The following MORC1 variants were observed in gnomAD, a reference collection of about 807,000 sequenced individuals.
MORC1 encodes the protein MORC family CW-type zinc finger protein 1.
Under a neutral mutation model 134.9 loss-of-function variants are expected in MORC1, and 59 were observed. The observed-to-expected ratio is 0.44, with a 90% CI of 0.35 to 0.54. MORC1 has a LOEUF of 0.54. Ranked by LOEUF, MORC1 falls within the 20% of genes least tolerant of loss-of-function variation. MORC1 has a pLI of 0.00. For missense variants in MORC1, 947 were observed against 1,134.5 expected (o/e 0.83, Z 2.37); for synonymous variants, 395 against 391.7 (o/e 1.01, Z -0.10).
intron 17 of MORC1, among the ~76,000 whole-genome samples, chr3:109,011,398 T>C (rs1948679763): frequency 6.6e-6 from 1 of 152,220 alleles, no homozygotes; most frequent in South Asian, 2.1e-4. Context: ...GTTCCCTTAA[T>C]GATTAACGAA....
chr3:109,043,180 G>A (rs1949597226), intron 14 of MORC1, among the ~76,000 whole-genome samples: 1 of 38,130 alleles, frequency 2.6e-5, no homozygotes, highest in Admixed American at 2.3e-4. Flanking sequence ...GCAAAATGTG[G>A]CAAAATGTGG....
chr3:109,098,680 T>C (rs1012229171), intron 6 of MORC1, among the ~76,000 whole-genome samples: 2 of 152,192 alleles, frequency 1.3e-5, no homozygotes, highest in African/African-American at 4.8e-5. Context: ...CACAGACTCA[T>C]TGAGGAGCAT....
rs777757672 is a variant in MORC1, at chr3:108,969,730, C to T, written c.2551-8G>A. The T allele has an allele frequency of 6.2e-7, 1 of 1,613,024 alleles. No homozygotes were observed. The highest frequency in any genetic ancestry group is 1.1e-5 in the South Asian group (1 of 91,056). ...CTCTGGGCACTGCTCCAGCTGTTTT[C>T]ATAAATGATAATAGAACAGGATATT... On this transcript the variant is annotated splice_region_variant and splice_polypyrimidine_tract_variant and intron_variant, in intron 25 of 27. Coordinates refer to ENST00000232603, the MANE Select transcript of MORC1 (RefSeq NM_014429.4).
intron 21 of MORC1, among the ~76,000 whole-genome samples, chr3:108,996,275 T>TGCGCGCGC (rs1553745284): frequency 2.5e-5 from 3 of 121,886 alleles, no homozygotes; most frequent in African/African-American, 8.4e-5. Context: ...TGCGCGTGCG[T>TGCGCGCGC]GCGCGCGCGC....
At chr3:109,004,654 CATT>C (rs1441648165) in intron 20 of MORC1, among the ~76,000 whole-genome samples, 160 bp downstream of exon 20, 3 of 152,150 alleles carry the variant, frequency 2.0e-5, no homozygotes, top group Non-Finnish European at 4.4e-5. Flanking sequence ...AATACATTAA[CATT>C]ATATCCCAGT....
At chr3:109,021,188 C>T (rs754581595) in intron 17 of MORC1, among the ~76,000 whole-genome samples, 5 of 152,296 alleles carry the variant, frequency 3.3e-5, no homozygotes, top group South Asian at 4.1e-4. Flanking sequence ...GTACCCCAGA[C>T]GCCAGACAGC....
At chr3:109,008,449 T>C (rs1169144539) in intron 17 of MORC1, among the ~76,000 whole-genome samples, 4 of 51,114 alleles carry the variant, frequency 7.8e-5, no homozygotes, top group East Asian at 7.1e-4. Flanking sequence ...GTGCAGAGTA[T>C]ATATATATAT....
At chr3:109,045,139 CA>C (rs1559916823) in intron 14 of MORC1, among the ~76,000 whole-genome samples, 2 of 151,992 alleles carry the variant, frequency 1.3e-5, no homozygotes. Flanking sequence ...TTTATAAACT[CA>C]AAGCACCAGA....
At chr3:109,077,267 T>C (rs1221145030) in intron 8 of MORC1, among the ~76,000 whole-genome samples, 2 of 152,028 alleles carry the variant, frequency 1.3e-5, no homozygotes, top group African/African-American at 4.8e-5. Flanking sequence ...AATTGACTAA[T>C]AAATCCAAGA....
rs1262691189 is a variant in MORC1, at chr3:109,103,851, G to C, written c.221C>G (p.Pro74Arg). 1.9e-6 allele frequency: 3 copies of C among 1,613,076 alleles called. No homozygotes were observed. The Admixed American group carries it at 5.0e-5, about 27-fold the overall frequency. The change falls in exon 4 of 28, where the codon CCT becomes CGT. Residue 74 changes from proline (P) to arginine (R), a missense_variant and splice_region_variant. Coordinates refer to ENST00000232603, the MANE Select transcript of MORC1 (RefSeq NM_014429.4). ...CFLDDGCGMS[P>R]EEASDIIYFG... ...AGGTATCTAGATAATTAACTTACCAGGGCTCATGCCACATCCATCATCCAG... is the reference window on the plus strand; with the variant it reads ...AGGTATCTAGATAATTAACTTACCACGGCTCATGCCACATCCATCATCCAG...
At chr3:109,027,080 T>G (rs17665787) in intron 17 of MORC1, among the ~76,000 whole-genome samples, 6,272 of 152,294 alleles carry the variant, frequency 0.041, 260 homozygotes, top group Admixed American at 0.12. Context: ...TCTATAGAAG[T>G]GTCCACACAT....
chr3:109,007,179 T>C, intron 17 of MORC1, 88 bp from the exon 18 acceptor site: 1 of 1,016,968 alleles, frequency 9.8e-7, no homozygotes, highest in Non-Finnish European at 1.5e-6. Context: ...TCTCCATTTC[T>C]TAAAGAAGGG....
At chr3:109,028,240 C>CT (rs200756002) in intron 16 of MORC1, among the ~76,000 whole-genome samples, 5 of 152,000 alleles carry the variant, frequency 3.3e-5, no homozygotes, top group African/African-American at 1.2e-4. Flanking sequence ...CATTTCCCCC[C>CT]CCAAAAAAGG....
chr3:109,005,661 T>C lies in MORC1; in HGVS notation c.1768-346A>G, dbSNP rs1948521771. ...AGGCTGGTCGTCATCCCTACCCACA[T>C]TCACATCCTGCTTCCTGCCCCTTGC... On this transcript the variant is annotated intron_variant, in intron 18 of 27. Coordinates refer to ENST00000232603, the MANE Select transcript of MORC1 (RefSeq NM_014429.4). Among the ~76,000 whole-genome samples the C allele has an allele frequency of 1.3e-5, 2 of 152,198 alleles. 1 individual carries two copies. Among genetic ancestry groups the C allele is most frequent in the South Asian group, 4.1e-4 (2 of 4,828 alleles).
At chr3:109,105,794 A>C (rs922940427) in intron 3 of MORC1, among the ~76,000 whole-genome samples, 8 of 152,146 alleles carry the variant, frequency 5.3e-5, no homozygotes, top group Admixed American at 2.0e-4. Context: ...TTATAATTTC[A>C]TGGTGATGTG....
chr3:109,061,924 G>T, intron 11 of MORC1, 64 bp downstream of exon 11: 1 of 1,398,580 alleles, frequency 7.2e-7, no homozygotes, highest in Non-Finnish European at 1.0e-6. Context: ...AGACAACTAT[G>T]CACAGGAAAA....
chr3:109,104,167 G>A (rs13064839), intron 3 of MORC1, among the ~76,000 whole-genome samples: 3,570 of 152,176 alleles, frequency 0.023, 73 homozygotes, highest in Middle Eastern at 0.11. Flanking sequence ...TATGTATACA[G>A]CAGGACATGT....
chr3:108,973,958 T>C (rs1027192231), intron 24 of MORC1, among the ~76,000 whole-genome samples: 3 of 152,184 alleles, frequency 2.0e-5, no homozygotes, highest in South Asian at 2.1e-4. Flanking sequence ...TTTCTACACA[T>C]AGTTTCATGT....
At chr3:109,071,498 C>A (rs1950314933) in intron 8 of MORC1, among the ~76,000 whole-genome samples, 1 of 152,030 alleles carries the variant, frequency 6.6e-6, no homozygotes, top group Non-Finnish European at 1.5e-5. Context: ...GACTCATGGG[C>A]CTTAGCACAC....
Sources: gnomAD v4.1 joint callset for allele counts (sites outside exome capture counted in the v4.1 genomes callset) on GRCh38, gnomAD v4.1.1 for gene constraint, MANE v1.5 for transcripts, NCBI Gene and HGNC (gene_info 2026-07-23, HGNC 2026-07-21) for gene names.